Variants in TANC2 observed in about 807,000 individuals in gnomAD.
TANC2 encodes protein TANC2.
TANC2 carries 26 observed loss-of-function variants against 210.5 expected under a neutral mutation model. The observed-to-expected ratio is 0.12, with a 90% CI of 0.09 to 0.17. The LOEUF (loss-of-function observed/expected upper bound fraction) is 0.17. Among genes scored for constraint, TANC2 ranks in the 10% least tolerant of loss-of-function variants. The pLI, the probability that TANC2 is intolerant of heterozygous loss-of-function variation, is 1.00. For missense variants in TANC2, 2,129 were observed against 2,608.9 expected, an observed-to-expected ratio of 0.82 and a Z score of 4.01; for synonymous variants, 931 against 967.1, an observed-to-expected ratio of 0.96 and a Z score of 0.69.
At chr17:63,380,499 A>T (rs575197603) in intron 15 of TANC2, among the ~76,000 whole-genome samples, 4 of 152,338 alleles carry the variant, frequency 2.6e-5, no homozygotes, top group Non-Finnish European at 5.9e-5. Context: ...AAAAAGATAC[A>T]ATCCCTAATC....
intron 9 of TANC2, 136 bp from the exon 10 acceptor site, chr17:63,314,252 T>TG: frequency 1.1e-6 from 1 of 893,900 alleles, no homozygotes; most frequent in Non-Finnish European, 1.7e-6. Flanking sequence ...CATTCGCAGT[T>TG]GCATTATTTC....
chr17:63,208,966 A>G (rs1283430442), intron 7 of TANC2, among the ~76,000 whole-genome samples: 1 of 151,652 alleles, frequency 6.6e-6, no homozygotes, highest in Non-Finnish European at 1.5e-5. Flanking sequence ...ACCTATCCTT[A>G]TATCATGTAT....
At chr17:63,188,617 A>C (rs550836840) in intron 5 of TANC2, among the ~76,000 whole-genome samples, 1 of 151,280 alleles carries the variant, frequency 6.6e-6, no homozygotes, top group South Asian at 2.1e-4. Flanking sequence ...GCAAAATCTG[A>C]ATAAGGTTTG....
At chr17:63,065,877 G>T (rs1450253119) in intron 2 of TANC2, among the ~76,000 whole-genome samples, 3 of 152,054 alleles carry the variant, frequency 2.0e-5, no homozygotes, top group Admixed American at 6.6e-5. Context: ...TTTCTTTGCT[G>T]TGCAGAAGGT....
chr17:63,192,154 G>A (rs754907149), intron 5 of TANC2, among the ~76,000 whole-genome samples: 22 of 152,110 alleles, frequency 1.4e-4, no homozygotes, highest in Non-Finnish European at 2.5e-4. Flanking sequence ...GATTTCTTTC[G>A]TTATAGAGTG....
intron 2 of TANC2, among the ~76,000 whole-genome samples, chr17:63,021,792 G>A (rs796363285): frequency 4.6e-5 from 7 of 152,322 alleles, no homozygotes; most frequent in African/African-American, 7.2e-5. Flanking sequence ...TGAACAGAGC[G>A]TTAAGGGTAA....
At chr17:63,358,365 G>GT (rs2046839765) in intron 14 of TANC2, among the ~76,000 whole-genome samples, 1 of 141,744 alleles carries the variant, frequency 7.1e-6, no homozygotes, top group African/African-American at 2.7e-5. Flanking sequence ...GAGAGAGAGA[G>GT]AGAGAGAGAG....
At chr17:63,172,652 C>G (rs1255392482) in intron 5 of TANC2, among the ~76,000 whole-genome samples, 1 of 152,106 alleles carries the variant, frequency 6.6e-6, no homozygotes, top group Admixed American at 6.5e-5. Flanking sequence ...GATGTAGTCA[C>G]TGAAACATAG....
chr17:63,235,085 A>G (rs140670497), intron 7 of TANC2, among the ~76,000 whole-genome samples: 231 of 152,264 alleles, frequency 1.5e-3, no homozygotes, highest in Middle Eastern at 0.01. Context: ...CAGTTATCAA[A>G]AAAATCACTT....
chr17:63,016,820 C>G (rs910682920), intron 2 of TANC2, among the ~76,000 whole-genome samples: 2 of 152,022 alleles, frequency 1.3e-5, no homozygotes, highest in African/African-American at 4.8e-5. Flanking sequence ...TATTGAGGAT[C>G]TTTTCATTAA....
chr17:63,093,150 A>G (rs1057328409), intron 3 of TANC2, among the ~76,000 whole-genome samples: 3 of 152,004 alleles, frequency 2.0e-5, no homozygotes, highest in Admixed American at 6.6e-5. Context: ...TAAGAAATCT[A>G]CCTGACCCAA....
At chr17:63,317,231 T>C (rs1014968166) in intron 10 of TANC2, among the ~76,000 whole-genome samples, 1 of 152,210 alleles carries the variant, frequency 6.6e-6, no homozygotes, top group Non-Finnish European at 1.5e-5. Flanking sequence ...GCACCACTGC[T>C]GTGGAAGATA....
chr17:63,025,508 A>G (rs1191789480), intron 2 of TANC2, among the ~76,000 whole-genome samples: 1 of 152,084 alleles, frequency 6.6e-6, no homozygotes, highest in Non-Finnish European at 1.5e-5. Context: ...TAAATAAGAG[A>G]TCACGGGGCA....
At chr17:63,415,654 C>A in exon 26 of TANC2, 1 of 1,613,492 alleles carries the variant, frequency 6.2e-7, no homozygotes, top group Non-Finnish European at 8.5e-7. Context: ...CAACCTCTCT[C>A]GGTGTCGCAG....
intron 2 of TANC2, among the ~76,000 whole-genome samples, chr17:63,025,379 T>C (rs1261325720): frequency 6.6e-6 from 1 of 152,166 alleles, no homozygotes; most frequent in Middle Eastern, 3.2e-3. Flanking sequence ...ATTTTTACTA[T>C]CTTTGGGTAG....
At chr17:63,155,578 G>T (rs1302720396) in intron 5 of TANC2, among the ~76,000 whole-genome samples, 1 of 152,134 alleles carries the variant, frequency 6.6e-6, no homozygotes, top group Non-Finnish European at 1.5e-5. Flanking sequence ...GACTATATGT[G>T]CATGAAAGGT....
chr17:63,138,100 G>A (rs527655555), intron 4 of TANC2, among the ~76,000 whole-genome samples: 5 of 152,234 alleles, frequency 3.3e-5, no homozygotes, highest in African/African-American at 7.2e-5. Flanking sequence ...AGTTCCAGAC[G>A]TTTCGCAAAG....
Position 63,321,805 on chromosome 17 carries a change from T to A in TANC2, c.1575+2715T>A, listed in dbSNP as rs1567913212. ...CTTGTTTAATTTCTCTAGTTCTCTT[T>A]CCTGTGGGTGTTGGGGAAGGTAGTC... On this transcript the variant is annotated intron_variant, in intron 11 of 27. Transcript: ENST00000689528. Among the ~76,000 whole-genome samples the A allele has an allele frequency of 3.9e-5, 6 of 152,300 alleles. No individual in the cohort carries two copies. The South Asian group carries it at 1.2e-3, about 32-fold the overall frequency.
At chr17:63,395,922 T>C in exon 18 of TANC2, 1 of 1,607,572 alleles carries the variant, frequency 6.2e-7, no homozygotes, top group Non-Finnish European at 8.5e-7. Context: ...GCATGGGTTA[T>C]ACTGAGGTAA....
Sources: allele counts gnomAD v4.1 joint callset (sites outside exome capture counted in the v4.1 genomes callset), GRCh38; gene constraint gnomAD v4.1.1; transcripts MANE v1.5; gene names NCBI Gene and HGNC (gene_info 2026-07-23, HGNC 2026-07-21).